ADGRV1: variants seen among roughly 807,000 people sequenced by gnomAD.
ADGRV1 encodes G-protein coupled receptor 98.
Under a neutral mutation model 596.2 loss-of-function variants are expected in ADGRV1, and 359 were observed. The observed-to-expected ratio is 0.60, with a 90% confidence interval of 0.55 to 0.66. ADGRV1 has a LOEUF of 0.66. Ranked by LOEUF, ADGRV1 falls within the 30% of genes least tolerant of loss-of-function variation. The probability of loss-of-function intolerance (pLI) is 0.00; values close to 1 mark genes in which losing one functional copy is unlikely to be tolerated. For synonymous variants in ADGRV1, 2,681 were observed against 2,679.2 expected (o/e 1.00, Z -0.02); for missense variants, 7,274 against 7,575.6 (o/e 0.96, Z 1.48).
intron 83 of ADGRV1, among the ~76,000 whole-genome samples, chr5:90,945,409 G>T (rs1776488328): frequency 6.6e-6 from 1 of 152,128 alleles, no homozygotes; most frequent in African/African-American, 2.4e-5. Context: ...GGGTAGCAGG[G>T]CTCCTGGGCC....
intron 83 of ADGRV1, among the ~76,000 whole-genome samples, chr5:90,899,743 C>G (rs1052683364): frequency 7.1e-6 from 1 of 139,988 alleles, no homozygotes; most frequent in Non-Finnish European, 1.6e-5. Flanking sequence ...GCCTTGCTTA[C>G]CAACCTATCA....
At chr5:91,065,251 C>T (rs1787787642) in intron 85 of ADGRV1, among the ~76,000 whole-genome samples, 1 of 152,030 alleles carries the variant, frequency 6.6e-6, no homozygotes, top group South Asian at 2.1e-4. Context: ...AATGTAGAGG[C>T]TATCATTGAA....
intron 84 of ADGRV1, among the ~76,000 whole-genome samples, chr5:90,968,519 G>A (rs1248077146): frequency 1.3e-5 from 2 of 152,168 alleles, no homozygotes; most frequent in African/African-American, 2.4e-5. Flanking sequence ...GCTATTTAAA[G>A]TACCAGTGAA....
At chr5:90,866,633 C>T (rs1768138372) in intron 83 of ADGRV1, among the ~76,000 whole-genome samples, 2 of 151,920 alleles carry the variant, frequency 1.3e-5, no homozygotes, top group African/African-American at 2.4e-5. Context: ...GGTGTCCTAC[C>T]TTTCTCTTTT....
rs377173958 is a variant in ADGRV1 at position 91,072,511 on chromosome 5, G to A, written c.18217G>A (p.Val6073Met). The change falls in exon 86 of 90, where the codon GTG becomes ATG. Residue 6073 changes from valine (V) to methionine (M), a missense_variant. By Grantham distance (21) the Val-to-Met change is conservative. Transcript: ENST00000405460. ...TAALVPLTCL[V>M]VVFVVFIHAY... Reference sequence around the variant, plus strand: ...AGCTCTTGTTCCTTTGACGTGCCTCGTGGTGGTGTTCGTGGTGTTCATCCA... The same window carrying A: ...AGCTCTTGTTCCTTTGACGTGCCTCATGGTGGTGTTCGTGGTGTTCATCCA... The A allele has an allele frequency of 1.3e-4, 214 of 1,613,622 alleles. No homozygotes were observed. The highest frequency in any genetic ancestry group is 4.9e-4 in the Middle Eastern group (3 of 6,082).
intron 1 of ADGRV1, among the ~76,000 whole-genome samples, chr5:90,574,598 G>A (rs377486375): frequency 1.3e-5 from 2 of 152,178 alleles, no homozygotes; most frequent in South Asian, 4.1e-4. Flanking sequence ...GTTGACGCCA[G>A]CTTCATAGAG....
chr5:90,900,314 T>C (rs140112873), intron 83 of ADGRV1, among the ~76,000 whole-genome samples: 34 of 151,648 alleles, frequency 2.2e-4, no homozygotes, highest in African/African-American at 7.7e-4. Flanking sequence ...CTTCTGCTTA[T>C]AGACCATTGC....
At chr5:91,092,757 A>G (rs1457545622) in intron 86 of ADGRV1, 1 of 152,202 alleles carries the variant, frequency 6.6e-6, no homozygotes, top group African/African-American at 2.4e-5. Flanking sequence ...GAAGTCAATT[A>G]AATAGGGCCA....
intron 85 of ADGRV1, among the ~76,000 whole-genome samples, chr5:91,040,081 TGAG>T (rs1455777501): frequency 6.6e-6 from 1 of 152,152 alleles, no homozygotes; most frequent in Admixed American, 6.5e-5. Context: ...TAAAGCCCTT[TGAG>T]GAGGATAAAA....
At chr5:90,687,209 A>C (rs563919999) in intron 29 of ADGRV1, among the ~76,000 whole-genome samples, 1 of 152,108 alleles carries the variant, frequency 6.6e-6, no homozygotes, top group Non-Finnish European at 1.5e-5. Context: ...GAAGCTCTTT[A>C]GTTTAATTAG....
chr5:90,787,829 G>T (rs1759634511), intron 67 of ADGRV1, among the ~76,000 whole-genome samples: 1 of 151,796 alleles, frequency 6.6e-6, no homozygotes, highest in African/African-American at 2.4e-5. Flanking sequence ...GATCTCAGGT[G>T]ATCTGCCCGC....
At chr5:90,882,043 A>G (rs1769837948) in intron 83 of ADGRV1, among the ~76,000 whole-genome samples, 1 of 152,178 alleles carries the variant, frequency 6.6e-6, no homozygotes, top group East Asian at 1.9e-4. Context: ...ACCAACATTT[A>G]TACCAAGGAC....
At position 90,724,863 on chromosome 5, in the gene ADGRV1, A is replaced by C. The variant is rs762765196; in HGVS notation, c.9780A>C (p.Gln3260His). 1 of 1,613,208 alleles carries C rather than the reference A, an allele frequency of 6.2e-7. No individual in the cohort carries two copies. Among genetic ancestry groups the C allele is most frequent in the Admixed American group, 1.7e-5 (1 of 60,002 alleles). ...TGGATGTTGTGTTTTCCGTATTTCA[A>C]AGTTTTTTGGATGAATCAGCTTCTG... ...RGMDVVFSVF[Q>H]SFLDESASGW... Residue 3260 changes from glutamine to histidine, a missense_variant, in exon 46 of 90, where the codon CAA becomes CAC. By Grantham distance (24) the Gln-to-His change is conservative. Transcript: ENST00000405460.
chr5:90,639,394 A>G (rs1424488111), intron 11 of ADGRV1, among the ~76,000 whole-genome samples: 1 of 152,192 alleles, frequency 6.6e-6, no homozygotes, highest in Non-Finnish European at 1.5e-5. Flanking sequence ...TAAATGTTTA[A>G]AGAATGATTT....
At chr5:91,080,518 A>T (rs1311259942) in intron 86 of ADGRV1, among the ~76,000 whole-genome samples, 2 of 142,858 alleles carry the variant, frequency 1.4e-5, no homozygotes, top group Non-Finnish European at 3.0e-5. Flanking sequence ...TAAACATTAA[A>T]TTTTAAACTT....
At chr5:90,677,201 G>A (rs16868964) in intron 25 of ADGRV1, among the ~76,000 whole-genome samples, 30,555 of 151,976 alleles carry the variant, frequency 0.2, 3,745 homozygotes, top group East Asian at 0.41. Context: ...CCATCCAAAG[G>A]AAAAATTGGT....
In ADGRV1 at chr5:90,985,454, C is replaced by T. The variant is rs369961520; in HGVS notation, c.18084C>T (p.Leu6028=). 3.1e-6 allele frequency: 5 copies of T among 1,613,758 alleles called. No individual in the cohort carries two copies. The highest frequency in any genetic ancestry group is 4.2e-6 in the Non-Finnish European group (5 of 1,179,738). ...WGLPAFVVIL[L]IVILKGIYHQ... is the part of the protein sequence containing the mutation. ...TACCAGCTTTTGTGGTGATTCTCCTCATAGTTATTTTGAAAGGAATCTATC... is the reference window on the plus strand; with the variant it reads ...TACCAGCTTTTGTGGTGATTCTCCTTATAGTTATTTTGAAAGGAATCTATC... The change falls in exon 85 of 90, where the codon CTC becomes CTT. Residue 6028 remains leucine, a synonymous_variant. Transcript: ENST00000405460.
In ADGRV1 at chr5:91,153,391, A is replaced by G. The variant is rs767347973; in HGVS notation, c.18795A>G (p.Leu6265=). ...SQEFDDLIFA[L]KTGAGLSVSD... ...AGTTTGATGATTTAATATTTGCATT[A>G]AAAACTGGTATGTATGAACCCATGA... Residue 6265 remains leucine (L), a synonymous_variant, in exon 89 of 90, where the codon TTA becomes TTG. Coordinates refer to ENST00000405460, the MANE Select transcript of ADGRV1 (RefSeq NM_032119.4). 7 of 1,601,402 alleles carry G rather than the reference A, an allele frequency of 4.4e-6. No individual in the cohort carries two copies. The highest frequency in any genetic ancestry group is 1.1e-5 in the South Asian group (1 of 89,276).
At chr5:91,124,401 G>T (rs1793575883) in intron 87 of ADGRV1, among the ~76,000 whole-genome samples, 1 of 152,136 alleles carries the variant, frequency 6.6e-6, no homozygotes, top group Admixed American at 6.5e-5. Context: ...ATTAAGTGGG[G>T]TTAATATTAG....
Sources: allele counts gnomAD v4.1 joint callset (sites outside exome capture counted in the v4.1 genomes callset), GRCh38; gene constraint gnomAD v4.1.1; transcripts MANE v1.5; gene names NCBI Gene and HGNC (gene_info 2026-07-23, HGNC 2026-07-21).